RORB: variants seen among roughly 807,000 people sequenced by gnomAD.
RORB encodes the protein nuclear receptor ROR-beta.
RORB carries 6 observed loss-of-function variants against 59.1 expected under a neutral mutation model. The observed-to-expected ratio is 0.10, with a 90% confidence interval of 0.06 to 0.20. The LOEUF (loss-of-function observed/expected upper bound fraction) is 0.20. Among genes scored for constraint, RORB ranks in the 10% least tolerant of loss-of-function variants. The pLI, the probability that RORB is intolerant of heterozygous loss-of-function variation, is 1.00. For synonymous variants in RORB, 215 were observed against 204.5 expected (o/e 1.05, Z -0.44); for missense variants, 320 against 560.5 (o/e 0.57, Z 4.33).
chr9:74,557,158 A>T (rs576971943), intron 1 of RORB, among the ~76,000 whole-genome samples: 12 of 152,180 alleles, frequency 7.9e-5, no homozygotes, highest in Non-Finnish European at 1.5e-4. Context: ...GTCTAAATGA[A>T]TCAAGGTGAC....
intron 1 of RORB, among the ~76,000 whole-genome samples, chr9:74,513,987 G>A (rs1265148277): frequency 2.0e-5 from 3 of 152,028 alleles, no homozygotes; most frequent in Admixed American, 6.6e-5. Flanking sequence ...TTTCAGGTCC[G>A]TATTAACATG....
chr9:74,650,933 A>G (rs1801911409), intron 4 of RORB, among the ~76,000 whole-genome samples: 1 of 152,136 alleles, frequency 6.6e-6, no homozygotes, highest in Non-Finnish European at 1.5e-5. Context: ...TGGGGGAGAG[A>G]TTGCATCTGT....
intron 1 of RORB, among the ~76,000 whole-genome samples, chr9:74,625,186 T>C (rs1220738689): frequency 6.6e-6 from 1 of 152,202 alleles, no homozygotes; most frequent in Non-Finnish European, 1.5e-5. Context: ...ATTTATGTGG[T>C]AGAGAAAATT....
At chr9:74,647,580 T>C (rs1438822547) in intron 4 of RORB, among the ~76,000 whole-genome samples, 5 of 152,224 alleles carry the variant, frequency 3.3e-5, no homozygotes, top group Admixed American at 6.5e-5. Context: ...TCTTATATTG[T>C]CTTTAACACA....
intron 9 of RORB, among the ~76,000 whole-genome samples, chr9:74,677,528 T>C (rs978241269): frequency 2.6e-5 from 4 of 152,238 alleles, no homozygotes; most frequent in Non-Finnish European, 5.9e-5. Flanking sequence ...ATGTGGCTGC[T>C]ACAAAGTTTT....
intron 1 of RORB, among the ~76,000 whole-genome samples, chr9:74,531,674 A>T (rs1016138084): frequency 1.3e-5 from 2 of 151,996 alleles, no homozygotes; most frequent in African/African-American, 4.8e-5. Flanking sequence ...CTCCTTTAAT[A>T]TACAAGAGAA....
chr9:74,533,016 C>T (rs536083619), intron 1 of RORB, among the ~76,000 whole-genome samples: 56 of 151,826 alleles, frequency 3.7e-4, no homozygotes, highest in Non-Finnish European at 7.2e-4. Flanking sequence ...TAAGGCAGCA[C>T]ATCTGGAGCT....
At chr9:74,510,941 C>A (rs1418960972) in intron 1 of RORB, among the ~76,000 whole-genome samples, 1 of 152,162 alleles carries the variant, frequency 6.6e-6, no homozygotes, top group Non-Finnish European at 1.5e-5. Context: ...GTGATACAGT[C>A]TTTTAACTTA....
At chr9:74,659,918 A>T (rs13296950) in intron 4 of RORB, among the ~76,000 whole-genome samples, 15,835 of 152,150 alleles carry the variant, frequency 0.1, 878 homozygotes, top group Non-Finnish European at 0.12. Flanking sequence ...TTTTAAAAGA[A>T]AAAGGTTATT....
At chr9:74,556,702 C>A (rs1309785030) in intron 1 of RORB, among the ~76,000 whole-genome samples, 1 of 152,154 alleles carries the variant, frequency 6.6e-6, no homozygotes, top group East Asian at 1.9e-4. Flanking sequence ...CCAGGAAAGT[C>A]ATTCCTTTAA....
At chr9:74,635,175 TTGC>T (rs1204270049) in intron 3 of RORB, among the ~76,000 whole-genome samples, 1 of 152,164 alleles carries the variant, frequency 6.6e-6, no homozygotes, top group Non-Finnish European at 1.5e-5. Flanking sequence ...CTGACTGGGC[TTGC>T]TTACTGTGTG....
At chr9:74,664,481 A>G (rs1248395553) in intron 6 of RORB, among the ~76,000 whole-genome samples, 1 of 152,214 alleles carries the variant, frequency 6.6e-6, no homozygotes, top group Non-Finnish European at 1.5e-5. Flanking sequence ...TAATAAACTC[A>G]CCTGAAATAG....
At chr9:74,608,330 C>T (rs1823180978) in intron 1 of RORB, among the ~76,000 whole-genome samples, 1 of 152,038 alleles carries the variant, frequency 6.6e-6, no homozygotes, top group Admixed American at 6.6e-5. Context: ...CTTTGGGAGG[C>T]CGAGGCGGGC....
chr9:74,651,144 CCTAT>C (rs960726727), intron 4 of RORB, among the ~76,000 whole-genome samples: 11 of 152,066 alleles, frequency 7.2e-5, no homozygotes, highest in Non-Finnish European at 1.3e-4. Flanking sequence ...TTTGGTTTGT[CCTAT>C]CTAAGACTCT....
intron 9 of RORB, among the ~76,000 whole-genome samples, chr9:74,676,491 A>C (rs1453201391): frequency 1.3e-5 from 2 of 152,228 alleles, no homozygotes; most frequent in African/African-American, 2.4e-5. Flanking sequence ...TCTCACAACT[A>C]ACACTCAGCG....
intron 1 of RORB, among the ~76,000 whole-genome samples, chr9:74,525,095 A>T (rs76790462): frequency 0.013 from 1,914 of 152,006 alleles, 40 homozygotes; most frequent in African/African-American, 0.043. Context: ...CAAAAGATTA[A>T]CCCAAAGCTG....
At chr9:74,681,789 G>C (rs1281653932) in intron 9 of RORB, among the ~76,000 whole-genome samples, 1 of 152,100 alleles carries the variant, frequency 6.6e-6, no homozygotes, top group African/African-American at 2.4e-5. Flanking sequence ...TGTCACTAAA[G>C]GAGCAGAAAA....
intron 1 of RORB, among the ~76,000 whole-genome samples, chr9:74,564,526 G>A (rs1054050896): frequency 6.6e-6 from 1 of 152,152 alleles, no homozygotes; most frequent in Non-Finnish European, 1.5e-5. Flanking sequence ...TGGGTAGATT[G>A]CTGAAAAGCA....
chr9:74,609,901 G>C (rs1236677951), intron 1 of RORB, among the ~76,000 whole-genome samples: 1 of 152,156 alleles, frequency 6.6e-6, no homozygotes, highest in South Asian at 2.1e-4. Context: ...GCATCTAGTG[G>C]ATAGAGGCCA....
Sources: gnomAD v4.1 joint callset for allele counts (sites outside exome capture counted in the v4.1 genomes callset) on GRCh38, gnomAD v4.1.1 for gene constraint, MANE v1.5 for transcripts, NCBI Gene and HGNC (gene_info 2026-07-23, HGNC 2026-07-21) for gene names.